CELF2: variants seen among roughly 807,000 people sequenced by gnomAD.
CELF2 encodes the protein CUG triplet repeat RNA-binding protein 2.
A neutral mutation model predicts 62.6 loss-of-function variants in CELF2; 8 were observed. The observed-to-expected ratio is 0.13, with a 90% CI of 0.07 to 0.23. CELF2 has a LOEUF of 0.23. Among genes scored for constraint, CELF2 ranks in the 10% least tolerant of loss-of-function variants. The pLI, the probability that CELF2 is intolerant of heterozygous loss-of-function variation, is 1.00. For synonymous variants in CELF2, 258 were observed against 250.0 expected, an observed-to-expected ratio of 1.03 and a Z score of -0.30; for missense variants, 333 against 671.0, an observed-to-expected ratio of 0.50 and a Z score of 5.56.
chr10:11,018,236 G>C, intron 1 of CELF2, 73 bp downstream of exon 1: 1 of 1,320,398 alleles, frequency 7.6e-7, no homozygotes, highest in South Asian at 1.4e-5. Context: ...GAAGGGGACG[G>C]GCGTCGCCCG....
intron 1 of CELF2, among the ~76,000 whole-genome samples, chr10:10,872,605 C>T (rs1239372026): frequency 2.0e-5 from 3 of 151,798 alleles, no homozygotes. Flanking sequence ...GATAACAATG[C>T]AAGGCTGTGC....
At chr10:10,830,650 G>A (rs1389991279) in intron 1 of CELF2, among the ~76,000 whole-genome samples, 1 of 151,934 alleles carries the variant, frequency 6.6e-6, no homozygotes, top group Non-Finnish European at 1.5e-5. Context: ...TGGGAAAGAA[G>A]TCAGTCAAAA....
intron 1 of CELF2, among the ~76,000 whole-genome samples, chr10:10,815,500 G>A (rs2056368298): frequency 2.0e-5 from 3 of 152,148 alleles, no homozygotes; most frequent in Non-Finnish European, 4.4e-5. Context: ...GACTAGCCCT[G>A]TTCTGCTGTC....
At chr10:11,017,590 G>A (rs533736348), upstream of CELF2, among the ~76,000 whole-genome samples, 1 of 152,170 alleles carries the variant, frequency 6.6e-6, no homozygotes, top group Non-Finnish European at 1.5e-5. The surrounding 1 kb of genome is among the most constrained non-coding windows in gnomAD (Gnocchi z 5.5). Context: ...CGCGGCTCGG[G>A]TATGGAAGTG....
intron 2 of CELF2, among the ~76,000 whole-genome samples, chr10:10,920,989 C>T (rs1366440995): frequency 6.6e-6 from 1 of 152,188 alleles, no homozygotes. Context: ...GAATCTCACG[C>T]TTTCACCCAG....
chr10:11,101,200 A>G (rs940345577), intron 1 of CELF2, among the ~76,000 whole-genome samples: 1 of 152,182 alleles, frequency 6.6e-6, no homozygotes, highest in Non-Finnish European at 1.5e-5. Context: ...GTTCGCTGAA[A>G]GGGATCAGGT....
Position 11,297,407 on chromosome 10 carries a change from G to A in CELF2, c.976+8855G>A, listed in dbSNP as rs1033355506. 1.6e-4 allele frequency among the ~76,000 whole-genome samples: 24 copies of A among 152,134 alleles called. No individual in the cohort carries two copies. The highest frequency in any genetic ancestry group is 5.1e-4 in the African/African-American group (21 of 41,426). Reference sequence around the variant, plus strand: ...GCCAAAATCACCAGCAAGGCAAGGCGGGGACCAGGTGCAGAAAGCCTTGGG... The same window carrying A: ...GCCAAAATCACCAGCAAGGCAAGGCAGGGACCAGGTGCAGAAAGCCTTGGG... On this transcript the variant is annotated intron_variant, in intron 9 of 12. Coordinates refer to ENST00000633077, the MANE Select transcript of CELF2 (RefSeq NM_001326342.2). The surrounding 1 kb of genome is among the most constrained non-coding windows in gnomAD (Gnocchi z 4.4).
chr10:10,589,659 G>A, the CELF2 span, among the ~76,000 whole-genome samples: 2 of 152,168 alleles, frequency 1.3e-5, no homozygotes, highest in Non-Finnish European at 2.9e-5. Context: ...TGAGTGCCTG[G>A]CCAAGCTGGG....
At chr10:11,079,054 T>G (rs1305133791) in intron 1 of CELF2, among the ~76,000 whole-genome samples, 3 of 152,174 alleles carry the variant, frequency 2.0e-5, no homozygotes, top group Non-Finnish European at 2.9e-5. Flanking sequence ...CTTCATGTAC[T>G]CAAAGTATAA....
Position 11,156,862 on chromosome 10 carries a change from A to G in CELF2, c.75-8624A>G, listed in dbSNP as rs998356550. Among the ~76,000 whole-genome samples the G allele has an allele frequency of 6.6e-6, 1 of 152,198 alleles. No homozygotes were observed. Among genetic ancestry groups the G allele is most frequent in the South Asian group, 2.1e-4 (1 of 4,822 alleles). Reference sequence around the variant, plus strand: ...GGTTGGGAAGGGAATTTGAGCCAGTATGAAAGACAGGGAAGATGAGCCTAA... The same window carrying G: ...GGTTGGGAAGGGAATTTGAGCCAGTGTGAAAGACAGGGAAGATGAGCCTAA... On this transcript the variant is annotated intron_variant, in intron 1 of 12. Transcript: ENST00000633077. The surrounding 1 kb of genome is among the most constrained non-coding windows in gnomAD (Gnocchi z 4.3).
chr10:11,264,686 A>G (rs963333012), intron 5 of CELF2, among the ~76,000 whole-genome samples: 4 of 152,264 alleles, frequency 2.6e-5, no homozygotes, highest in Non-Finnish European at 5.9e-5. Flanking sequence ...CAGCATCAGT[A>G]TGGAAGCCAG....
In CELF2 at chr10:10,993,086, G is replaced by C. The variant is rs1034632009; in HGVS notation, c.89+73087G>C. The stretch of plus-strand genomic sequence containing the variant: ...GAGAAACTCAGGGCGGATGATCCAG[G>C]GCAGGGCAGAACAATTGCAGGGCCA... On this transcript the variant is annotated intron_variant, in intron 2 of 13. Transcript: ENST00000636488. This position sits in a 1 kb window ranked among gnomAD's most constrained non-coding sequence, Gnocchi z 5.3. Among the ~76,000 whole-genome samples, 12 of 152,118 alleles carry C rather than the reference G, an allele frequency of 7.9e-5. No homozygotes were observed. Among genetic ancestry groups the C allele is most frequent in the African/African-American group, 2.9e-4 (12 of 41,442 alleles).
chr10:10,638,024 A>G, the CELF2 span, among the ~76,000 whole-genome samples: 5 of 152,292 alleles, frequency 3.3e-5, no homozygotes, highest in East Asian at 9.6e-4. Context: ...ATCAAAAAAG[A>G]ATCTTGAGAA....
Position 10,928,376 on chromosome 10 carries a change from G to A in CELF2, c.89+8377G>A, listed in dbSNP as rs2065745173. On this transcript the variant is annotated intron_variant, in intron 2 of 13. Transcript: ENST00000636488. The surrounding 1 kb of genome is among the most constrained non-coding windows in gnomAD (Gnocchi z 4.8). The stretch of plus-strand genomic sequence containing the variant: ...GTTCTTCCTTCTATTTGAAAGCCCA[G>A]TGTCATCTCTCTGCTCTTTTTCTCC... 6.6e-6 allele frequency among the ~76,000 whole-genome samples: 1 copy of A among 152,130 alleles called. No individual in the cohort carries two copies. Among genetic ancestry groups the A allele is most frequent in the African/African-American group, 2.4e-5 (1 of 41,412 alleles).
the CELF2 span, among the ~76,000 whole-genome samples, chr10:10,682,952 T>A: frequency 6.6e-6 from 1 of 152,174 alleles, no homozygotes; most frequent in African/African-American, 2.4e-5. Flanking sequence ...CACTCCTGGA[T>A]TGACAACATG....
At position 10,938,849 on chromosome 10, in the gene CELF2, T is replaced by C. The variant is rs1297240967; in HGVS notation, c.89+18850T>C. 1.3e-5 allele frequency among the ~76,000 whole-genome samples: 2 copies of C among 152,216 alleles called. No individual in the cohort carries two copies. The highest frequency in any genetic ancestry group is 4.8e-5 in the African/African-American group (2 of 41,464). ...CCCCACCGAGGGACGCAGAAGCAGC[T>C]GTCTTTTTCCATCTGCCCTGCCTCT... On this transcript the variant is annotated intron_variant, in intron 2 of 13. Coordinates refer to the CELF2 transcript ENST00000636488. This position sits in a 1 kb window ranked among gnomAD's most constrained non-coding sequence, Gnocchi z 4.2.
intron 3 of CELF2, among the ~76,000 whole-genome samples, chr10:11,245,441 A>G (rs909881254): frequency 1.3e-5 from 2 of 152,226 alleles, no homozygotes; most frequent in Non-Finnish European, 2.9e-5. Flanking sequence ...TGCATACATT[A>G]TCTAGCTTGT....
chr10:11,179,614 C>T (rs975973880), intron 2 of CELF2, among the ~76,000 whole-genome samples: 4 of 152,152 alleles, frequency 2.6e-5, no homozygotes, highest in Admixed American at 6.5e-5. Flanking sequence ...GAGAACCCTA[C>T]GTGCCAGGCA....
chr10:10,727,578 C>A, the CELF2 span, among the ~76,000 whole-genome samples: 1 of 151,942 alleles, frequency 6.6e-6, no homozygotes, highest in African/African-American at 2.4e-5. Context: ...AGATCGAGAC[C>A]ATCCTGGCTA....
Sources: allele counts gnomAD v4.1 joint callset (sites outside exome capture counted in the v4.1 genomes callset), GRCh38; gene constraint gnomAD v4.1.1; non-coding constraint Gnocchi (gnomAD v3.1); transcripts MANE v1.5; gene names NCBI Gene and HGNC (gene_info 2026-07-23, HGNC 2026-07-21).